The following AKAP19 variants were observed in gnomAD, a reference collection of about 807,000 sequenced individuals.
AKAP19 encodes A-kinase anchoring protein 19.
chr2:190,102,680 G>A, the AKAP19 span, among the ~76,000 whole-genome samples: 1 of 151,902 alleles, frequency 6.6e-6, no homozygotes, highest in Non-Finnish European at 1.5e-5. Context: ...TTTCATAGTT[G>A]AATCAGTAAT....
the AKAP19 span, among the ~76,000 whole-genome samples, chr2:190,002,802 T>C: frequency 6.6e-6 from 1 of 152,212 alleles, no homozygotes; most frequent in Non-Finnish European, 1.5e-5. Flanking sequence ...GGTTTTGTGG[T>C]CACTTATGGC....
At chr2:189,898,549 T>C in the AKAP19 span, among the ~76,000 whole-genome samples, 1 of 152,232 alleles carries the variant, frequency 6.6e-6, no homozygotes, top group East Asian at 1.9e-4. Context: ...TATCTTCTTT[T>C]GGCATGTGTA....
the AKAP19 span, among the ~76,000 whole-genome samples, chr2:190,040,205 T>G: frequency 1.3e-5 from 2 of 152,218 alleles, no homozygotes; most frequent in Non-Finnish European, 2.9e-5. Flanking sequence ...TTTTTAGTAA[T>G]GGCTATTCTT....
At chr2:190,182,933 T>G in the AKAP19 span, among the ~76,000 whole-genome samples, 2 of 152,396 alleles carry the variant, frequency 1.3e-5, no homozygotes, top group African/African-American at 4.8e-5. Flanking sequence ...GTTTGCAGTT[T>G]GTTAGATAGA....
At chr2:189,975,353 G>C in the AKAP19 span, among the ~76,000 whole-genome samples, 1 of 152,236 alleles carries the variant, frequency 6.6e-6, no homozygotes, top group East Asian at 1.9e-4. Context: ...GAGATCCCCT[G>C]TTAGTCTGAT....
chr2:190,010,016 A>T, the AKAP19 span, among the ~76,000 whole-genome samples: 1 of 152,250 alleles, frequency 6.6e-6, no homozygotes, highest in East Asian at 1.9e-4. Context: ...TGGTGCAGGA[A>T]GTAAAGGCCA....
chr2:190,095,146 C>A, the AKAP19 span, among the ~76,000 whole-genome samples: 2 of 152,062 alleles, frequency 1.3e-5, no homozygotes, highest in African/African-American at 4.8e-5. Context: ...TCCTTGAAAC[C>A]AGGAGGCGGA....
chr2:189,939,247 G>A, the AKAP19 span, among the ~76,000 whole-genome samples: 7 of 152,100 alleles, frequency 4.6e-5, no homozygotes, highest in African/African-American at 7.2e-5. Flanking sequence ...TTGTTCCATC[G>A]TTCCCGTGGG....
chr2:190,038,904 C>CTTTCTTTCTTTCT, the AKAP19 span, among the ~76,000 whole-genome samples: 344 of 89,554 alleles, frequency 3.8e-3, 8 homozygotes, highest in African/African-American at 0.015. Flanking sequence ...TTCTTTCTTT[C>CTTTCTTTCTTTCT]TTCTTCTTCT....
the AKAP19 span, among the ~76,000 whole-genome samples, chr2:190,151,571 TG>T: frequency 1.3e-5 from 2 of 152,264 alleles, no homozygotes; most frequent in Non-Finnish European, 2.9e-5. Flanking sequence ...TAGTATTCCA[TG>T]GTGTATATGT....
chr2:190,069,171 TGTGTGA>T, the AKAP19 span, among the ~76,000 whole-genome samples: 68 of 129,262 alleles, frequency 5.3e-4, no homozygotes, highest in Admixed American at 9.5e-4. Context: ...TGTGTGTGTG[TGTGTGA>T]GAGAGAGAGA....
chr2:190,090,068 T>C, the AKAP19 span, among the ~76,000 whole-genome samples: 1 of 152,182 alleles, frequency 6.6e-6, no homozygotes, highest in Non-Finnish European at 1.5e-5. Flanking sequence ...TGTGCAAATG[T>C]AATCTCATTG....
the AKAP19 span, among the ~76,000 whole-genome samples, chr2:189,982,692 C>A: frequency 6.7e-5 from 10 of 148,262 alleles, no homozygotes; most frequent in Admixed American, 5.3e-4. Flanking sequence ...TTTTTTAATC[C>A]TTTTTTCCCT....
chr2:190,021,810 A>G, the AKAP19 span, among the ~76,000 whole-genome samples: 1 of 152,158 alleles, frequency 6.6e-6, no homozygotes, highest in South Asian at 2.1e-4. Flanking sequence ...TATCCTTTTT[A>G]GGTGTTGCCT....
the AKAP19 span, among the ~76,000 whole-genome samples, chr2:190,074,043 GAAAAAAA>G: frequency 3.4e-5 from 4 of 118,018 alleles, no homozygotes; most frequent in Non-Finnish European, 7.6e-5. Flanking sequence ...TTCCGTCTCA[GAAAAAAA>G]AAAAAAAAAA....
chr2:189,928,471 A>G, the AKAP19 span, among the ~76,000 whole-genome samples: 2 of 152,148 alleles, frequency 1.3e-5, no homozygotes, highest in Non-Finnish European at 2.9e-5. Context: ...AAAAAAAGCA[A>G]TTATCACAGA....
the AKAP19 span, among the ~76,000 whole-genome samples, chr2:190,023,935 A>T: frequency 2.0e-5 from 3 of 151,852 alleles, no homozygotes; most frequent in African/African-American, 7.3e-5. Flanking sequence ...TTAGTGAAAG[A>T]CTGTTAAAAT....
chr2:190,069,911 C>A, the AKAP19 span, among the ~76,000 whole-genome samples: 1 of 152,106 alleles, frequency 6.6e-6, no homozygotes, highest in Non-Finnish European at 1.5e-5. Context: ...GATGGAGAAA[C>A]TGAGGCCCAG....
At chr2:189,936,810 C>T in the AKAP19 span, among the ~76,000 whole-genome samples, 5 of 152,102 alleles carry the variant, frequency 3.3e-5, no homozygotes, top group Non-Finnish European at 2.9e-5. Context: ...CTATGTGATT[C>T]CATTTATATG....
Sources: allele counts gnomAD v4.1 joint callset (sites outside exome capture counted in the v4.1 genomes callset), GRCh38; gene constraint gnomAD v4.1.1; transcripts MANE v1.5; gene names NCBI Gene and HGNC (gene_info 2026-07-23, HGNC 2026-07-21).